Variants in DLGAP1 observed in about 807,000 individuals in gnomAD.
The protein encoded by DLGAP1 is DLG associated protein 1, also known as disks large-associated protein 1.
In DLGAP1, 11 loss-of-function variants were observed where a neutral mutation model predicts 90.8. The observed-to-expected ratio is 0.12, with a 90% CI of 0.08 to 0.20. The LOEUF (loss-of-function observed/expected upper bound fraction) is 0.20, where lower values mean the gene tolerates loss of function less well. Among genes scored for constraint, DLGAP1 ranks in the 10% least tolerant of loss-of-function variants. DLGAP1 has a pLI of 1.00. For synonymous variants in DLGAP1, 558 were observed against 540.7 expected, an observed-to-expected ratio of 1.03 and a Z score of -0.44; for missense variants, 1,050 against 1,333.8, an observed-to-expected ratio of 0.79 and a Z score of 3.31.
intron 1 of DLGAP1, among the ~76,000 whole-genome samples, chr18:4,405,063 A>C (rs978437697): frequency 2.6e-5 from 4 of 152,224 alleles, no homozygotes; most frequent in African/African-American, 9.6e-5. Flanking sequence ...GTTTAAGTAC[A>C]TTCAATTACA....
chr18:3,818,229 G>A (rs1349079659), intron 4 of DLGAP1, among the ~76,000 whole-genome samples: 10 of 151,832 alleles, frequency 6.6e-5, no homozygotes, highest in Non-Finnish European at 1.2e-4. Context: ...GTGGTAGCCC[G>A]TCTATAACTG....
chr18:4,091,957 A>C (rs2075778697), intron 2 of DLGAP1, among the ~76,000 whole-genome samples: 1 of 152,022 alleles, frequency 6.6e-6, no homozygotes, highest in African/African-American at 2.4e-5. Flanking sequence ...AATATCAAGG[A>C]TAGGACAGTA....
At chr18:4,157,722 G>A (rs908047095) in intron 1 of DLGAP1, among the ~76,000 whole-genome samples, 11 of 152,270 alleles carry the variant, frequency 7.2e-5, no homozygotes, top group East Asian at 3.9e-4. Flanking sequence ...TCATTCATAC[G>A]TGATGTTCAT....
At chr18:3,504,327 T>C (rs72856857) in intron 11 of DLGAP1, among the ~76,000 whole-genome samples, 1 of 152,080 alleles carries the variant, frequency 6.6e-6, no homozygotes, top group Non-Finnish European at 1.5e-5. Context: ...ACTTATTTTT[T>C]AAATGAACTT....
rs189502086 is a variant in DLGAP1 at position 3,580,825 on chromosome 18, C to T, written c.1965+1050G>A. Reference sequence around the variant, plus strand: ...AGCGTCTTCCACCTGCCGTGCGGACCGTGGAAAATAAAAGGCTCTGCCCCC... The same window carrying T: ...AGCGTCTTCCACCTGCCGTGCGGACTGTGGAAAATAAAAGGCTCTGCCCCC... On this transcript the variant is annotated intron_variant, in intron 8 of 12. Transcript: ENST00000315677. The T allele has an allele frequency of 7.4e-5, 111 of 1,495,722 alleles. No homozygotes were observed. The East Asian group carries it at 1.9e-3, about 25-fold the overall frequency. 92.7% of individuals were successfully genotyped at this position (1,495,722 alleles called of 1,614,324 possible). A position where few individuals can be genotyped will look rare whatever the true frequency, so the allele number is the denominator to read the frequency against.
chr18:3,671,074 T>C (rs1317882051), intron 7 of DLGAP1, among the ~76,000 whole-genome samples: 1 of 152,172 alleles, frequency 6.6e-6, no homozygotes, highest in South Asian at 2.1e-4. Flanking sequence ...TCTTTCTTTT[T>C]CCCACCTTCC....
chr18:3,700,705 G>A (rs2061252227), intron 7 of DLGAP1, among the ~76,000 whole-genome samples: 2 of 152,046 alleles, frequency 1.3e-5, no homozygotes, highest in South Asian at 4.1e-4. Context: ...TACCTCCCAG[G>A]TTCACGCCAT....
At chr18:3,635,280 GC>G (rs930566052) in intron 7 of DLGAP1, among the ~76,000 whole-genome samples, 14 of 151,964 alleles carry the variant, frequency 9.2e-5, no homozygotes, top group Non-Finnish European at 1.8e-4. Flanking sequence ...ACAGGCGCCC[GC>G]CACCACGCCC....
chr18:4,007,446 G>A (rs962160686), intron 2 of DLGAP1, among the ~76,000 whole-genome samples: 1 of 152,186 alleles, frequency 6.6e-6, no homozygotes, highest in East Asian at 1.9e-4. Flanking sequence ...CCTGAGGTCA[G>A]GAGTTCAAGA....
chr18:3,735,128 TTCTC>T (rs2062585741), intron 6 of DLGAP1, among the ~76,000 whole-genome samples: 1 of 152,262 alleles, frequency 6.6e-6, no homozygotes, highest in Admixed American at 6.5e-5. Context: ...TTTGCTTGAA[TTCTC>T]TGAGCTTCAC....
intron 2 of DLGAP1, among the ~76,000 whole-genome samples, chr18:4,090,865 G>A (rs9748278): frequency 0.25 from 37,348 of 152,110 alleles, 5,580 homozygotes; most frequent in Non-Finnish European, 0.34. Context: ...ACGATAGACC[G>A]GATAAAGAAA....
At chr18:4,258,074 T>C (rs1001877083) in intron 1 of DLGAP1, among the ~76,000 whole-genome samples, 22 of 149,596 alleles carry the variant, frequency 1.5e-4, no homozygotes. Flanking sequence ...TTTATTTAGC[T>C]TGGATAAGCA....
At chr18:3,911,472 G>A (rs2072032714) in intron 3 of DLGAP1, among the ~76,000 whole-genome samples, 1 of 152,164 alleles carries the variant, frequency 6.6e-6, no homozygotes, top group Non-Finnish European at 1.5e-5. Flanking sequence ...CAGGAGAAAT[G>A]TATTCCCTAG....
chr18:4,371,104 T>C (rs2081906491), intron 1 of DLGAP1, among the ~76,000 whole-genome samples: 1 of 152,230 alleles, frequency 6.6e-6, no homozygotes, highest in Non-Finnish European at 1.5e-5. Context: ...GTTGTAGTTG[T>C]ATTCATTCAT....
chr18:3,909,329 CAA>C (rs1468276823), intron 3 of DLGAP1, among the ~76,000 whole-genome samples: 1 of 152,126 alleles, frequency 6.6e-6, no homozygotes, highest in African/African-American at 2.4e-5. Context: ...ATCCCAAAAA[CAA>C]AGTGGTTAAA....
intron 1 of DLGAP1, among the ~76,000 whole-genome samples, chr18:4,218,554 A>T (rs544681377): frequency 2.6e-5 from 4 of 151,968 alleles, no homozygotes; most frequent in Non-Finnish European, 4.4e-5. Context: ...GCAATAGATC[A>T]CTAAAGCTTA....
chr18:4,049,495 C>T lies in DLGAP1; in HGVS notation c.-158-44294G>A, dbSNP rs181090196. Among the ~76,000 whole-genome samples the T allele has an allele frequency of 2.6e-5, 4 of 152,248 alleles. No individual in the cohort carries two copies. In the East Asian group the frequency reaches 5.8e-4, roughly 22 times the overall value. On this transcript the variant is annotated intron_variant, in intron 2 of 12. Transcript: ENST00000315677. ...CCCAAGTCCAGCCTGCCACCATATC[C>T]CTGTTCTAAAAATTATACTCTGAAC...
intron 2 of DLGAP1, among the ~76,000 whole-genome samples, chr18:4,138,538 T>TTTTTG (rs1179377483): frequency 1.3e-5 from 2 of 152,090 alleles, no homozygotes; most frequent in African/African-American, 4.8e-5. Flanking sequence ...TTTGGATTGC[T>TTTTTG]AGCATTTCAG....
chr18:4,403,281 A>T (rs962374133), intron 1 of DLGAP1, among the ~76,000 whole-genome samples: 3 of 152,188 alleles, frequency 2.0e-5, no homozygotes, highest in Admixed American at 1.3e-4. Flanking sequence ...CAAAAAGTCC[A>T]CTTCCCTATG....
Sources: allele counts gnomAD v4.1 joint callset (sites outside exome capture counted in the v4.1 genomes callset), GRCh38; gene constraint gnomAD v4.1.1; transcripts MANE v1.5; gene names NCBI Gene and HGNC (gene_info 2026-07-23, HGNC 2026-07-21).